Variants in THSD7B observed in about 807,000 individuals in gnomAD.
The protein encoded by THSD7B is thrombospondin type-1 domain-containing protein 7B.
A neutral mutation model predicts 213.6 loss-of-function variants in THSD7B; 138 were observed. That is an observed-to-expected ratio of 0.65 (90% CI 0.56 to 0.74). The LOEUF is 0.74. Among genes scored for constraint, THSD7B ranks in the 30% least tolerant of loss-of-function variants. THSD7B has a pLI of 0.00. For missense variants in THSD7B, 1,931 were observed against 1,991.5 expected, an observed-to-expected ratio of 0.97 and a Z score of 0.58; for synonymous variants, 742 against 687.0, an observed-to-expected ratio of 1.08 and a Z score of -1.25.
At chr2:137,659,599 A>T (rs1683303779) in intron 24 of THSD7B, 65 bp from the exon 25 acceptor site, 19 of 1,478,434 alleles carry the variant, frequency 1.3e-5, no homozygotes, top group Non-Finnish European at 1.7e-5. Context: ...GTTAAAAAAA[A>T]ATACCAAAAA....
rs1453541165 is a variant in THSD7B, at chr2:137,394,230, C to T, written c.2501-11383C>T. Among the ~76,000 whole-genome samples, 12 of 104,538 alleles carry T rather than the reference C, an allele frequency of 1.1e-4. 1 individual carries two copies. Among genetic ancestry groups the T allele is most frequent in the African/African-American group, 3.4e-4 (10 of 29,614 alleles). The allele number at this position is 104,538 out of a possible 152,430, so 68.6% of individuals were successfully genotyped here. ...CTTTTGGTGTTTTGGTCATGAAGTCCGTGCCCATGCCTATGTCCTGAATGG... is the reference window on the plus strand; with the variant it reads ...CTTTTGGTGTTTTGGTCATGAAGTCTGTGCCCATGCCTATGTCCTGAATGG... On this transcript the variant is annotated intron_variant, in intron 12 of 27. Coordinates refer to ENST00000409968, the MANE Select transcript of THSD7B (RefSeq NM_001316349.2).
chr2:137,175,572 C>T (rs1680343481), intron 7 of THSD7B, among the ~76,000 whole-genome samples: 1 of 152,134 alleles, frequency 6.6e-6, no homozygotes, highest in African/African-American at 2.4e-5. Flanking sequence ...ATTAAAGTAG[C>T]TTTGCTTTTT....
chr2:137,402,055 C>A (rs1035504504), intron 12 of THSD7B, among the ~76,000 whole-genome samples: 1 of 152,150 alleles, frequency 6.6e-6, no homozygotes, highest in Non-Finnish European at 1.5e-5. Context: ...GGAGAATGAT[C>A]AGCCTACTTT....
chr2:137,506,484 A>G (rs1340053586), intron 15 of THSD7B, among the ~76,000 whole-genome samples: 1 of 152,200 alleles, frequency 6.6e-6, no homozygotes, highest in Non-Finnish European at 1.5e-5. Flanking sequence ...CAAGTCCTGT[A>G]TTTCTCCAAG....
chr2:137,327,802 G>A (rs1684405909), intron 12 of THSD7B, among the ~76,000 whole-genome samples: 1 of 152,202 alleles, frequency 6.6e-6, no homozygotes, highest in Admixed American at 6.5e-5. Context: ...TAGCACAATA[G>A]CTAAACAGTA....
intron 2 of THSD7B, among the ~76,000 whole-genome samples, chr2:137,041,080 T>C (rs1224169826): frequency 6.6e-6 from 1 of 152,238 alleles, no homozygotes; most frequent in African/African-American, 2.4e-5. Flanking sequence ...AGAACAAGGA[T>C]ATAACAGGGT....
chr2:137,562,851 A>T (rs1224652673), intron 15 of THSD7B, among the ~76,000 whole-genome samples: 1 of 152,110 alleles, frequency 6.6e-6, no homozygotes, highest in Non-Finnish European at 1.5e-5. Context: ...TGACATGTTA[A>T]AGTACATCTG....
chr2:137,320,356 T>A (rs1684235523), intron 12 of THSD7B, among the ~76,000 whole-genome samples: 1 of 152,214 alleles, frequency 6.6e-6, no homozygotes, highest in Admixed American at 6.5e-5. Context: ...GTCATACTTA[T>A]CCAGAAAAAC....
Position 137,231,124 on chromosome 2 carries a change from T to G in THSD7B, c.1804T>G (p.Cys602Gly), listed in dbSNP as rs765087334. 6.2e-7 allele frequency: 1 copy of G among 1,613,890 alleles called. No homozygotes were observed. The highest frequency in any genetic ancestry group is 8.5e-7 in the Non-Finnish European group (1 of 1,179,812). ...KSCEIPCRMDCVLSEWTEWSS... is the reference protein window; with the variant it reads ...KSCEIPCRMDGVLSEWTEWSS... ...TTGTGAAATTCCCTGCCGAATGGACTGTGTGCTGAGCGAGTGGACGGAGTG... is the reference window on the plus strand; with the variant it reads ...TTGTGAAATTCCCTGCCGAATGGACGGTGTGCTGAGCGAGTGGACGGAGTG... Residue 602 changes from cysteine (C) to glycine (G), a missense_variant, in exon 8 of 28, where the codon TGT becomes GGT. By Grantham distance (159) the Cys-to-Gly change is radical (BLOSUM62 -3). Coordinates refer to ENST00000409968, the MANE Select transcript of THSD7B (RefSeq NM_001316349.2).
intron 1 of THSD7B, among the ~76,000 whole-genome samples, chr2:136,833,184 T>C (rs956619077): frequency 1.3e-5 from 2 of 151,854 alleles, no homozygotes; most frequent in Non-Finnish European, 2.9e-5. Flanking sequence ...GATAACATGG[T>C]GAAACCCCGT....
intron 27 of THSD7B, among the ~76,000 whole-genome samples, chr2:137,669,986 A>C (rs956181720): frequency 2.6e-5 from 4 of 151,900 alleles, no homozygotes; most frequent in Non-Finnish European, 5.9e-5. Flanking sequence ...TAGAGCATTT[A>C]TATATATATA....
intron 1 of THSD7B, among the ~76,000 whole-genome samples, chr2:136,796,923 A>G (rs1183073546): frequency 6.6e-6 from 1 of 151,564 alleles, no homozygotes; most frequent in Non-Finnish European, 1.5e-5. Flanking sequence ...GGTTTGGAAG[A>G]GCTTGGGAGG....
At chr2:137,352,723 A>T (rs149413891) in intron 12 of THSD7B, among the ~76,000 whole-genome samples, 1 of 152,154 alleles carries the variant, frequency 6.6e-6, no homozygotes, top group East Asian at 1.9e-4. Context: ...TGCTCCAGTT[A>T]AAGGTAACTG....
chr2:136,821,782 A>G (rs1426022653), intron 1 of THSD7B, among the ~76,000 whole-genome samples: 2 of 152,140 alleles, frequency 1.3e-5, no homozygotes, highest in African/African-American at 4.8e-5. Flanking sequence ...AGGGGCTTCT[A>G]TGGGAGCCTT....
At chr2:136,978,049 T>A (rs1190571719) in intron 2 of THSD7B, among the ~76,000 whole-genome samples, 1 of 152,196 alleles carries the variant, frequency 6.6e-6, no homozygotes, top group Non-Finnish European at 1.5e-5. Context: ...TCTGCCAGCC[T>A]CAGCCTCCCA....
At chr2:136,936,665 C>A (rs1684736312) in intron 2 of THSD7B, among the ~76,000 whole-genome samples, 1 of 152,026 alleles carries the variant, frequency 6.6e-6, no homozygotes, top group South Asian at 2.1e-4. Context: ...TTTGGGGACT[C>A]AGGAGAAAGG....
intron 14 of THSD7B, among the ~76,000 whole-genome samples, chr2:137,449,515 T>G (rs1418934615): frequency 2.0e-5 from 3 of 152,216 alleles, no homozygotes; most frequent in Non-Finnish European, 4.4e-5. Context: ...GGTTGAGATC[T>G]CAGCAGAGGC....
intron 2 of THSD7B, among the ~76,000 whole-genome samples, chr2:136,998,667 A>T (rs1406928009): frequency 6.6e-6 from 1 of 152,142 alleles, no homozygotes; most frequent in Non-Finnish European, 1.5e-5. Context: ...CCTAGCATAG[A>T]TGTGCATAGT....
intron 2 of THSD7B, among the ~76,000 whole-genome samples, chr2:136,942,505 T>C (rs1684846077): frequency 6.6e-6 from 1 of 152,216 alleles, no homozygotes; most frequent in Admixed American, 6.5e-5. Flanking sequence ...TTCCATTTGT[T>C]TGTGTCCTCT....
Sources: gnomAD v4.1 joint callset for allele counts (sites outside exome capture counted in the v4.1 genomes callset) on GRCh38, gnomAD v4.1.1 for gene constraint, MANE v1.5 for transcripts, NCBI Gene and HGNC (gene_info 2026-07-23, HGNC 2026-07-21) for gene names.